ABLIM3: variants seen among roughly 807,000 people sequenced by gnomAD.
ABLIM3 encodes the protein actin-binding LIM protein 3.
In ABLIM3, 61 loss-of-function variants were observed where a neutral mutation model predicts 109.5. The ratio of observed to expected loss-of-function variants is 0.56; its 90% CI spans 0.45 to 0.69. ABLIM3 has a LOEUF of 0.69. Among genes scored for constraint, ABLIM3 ranks in the 30% least tolerant of loss-of-function variants. ABLIM3 has a pLI of 0.00. For synonymous variants in ABLIM3, 300 were observed against 324.8 expected (o/e 0.92, Z 0.82); for missense variants, 796 against 889.5 (o/e 0.89, Z 1.34).
At chr5:149,225,656 T>C (rs969982989) in intron 8 of ABLIM3, among the ~76,000 whole-genome samples, 1 of 152,176 alleles carries the variant, frequency 6.6e-6, no homozygotes, top group Non-Finnish European at 1.5e-5. Flanking sequence ...ACCCATCACC[T>C]GAGTGGTATA....
chr5:149,226,018 A>G (rs1351141686), intron 8 of ABLIM3, among the ~76,000 whole-genome samples: 2 of 95,712 alleles, frequency 2.1e-5, no homozygotes, highest in African/African-American at 8.4e-5. Flanking sequence ...ATATATATAT[A>G]TATATATATC....
intron 8 of ABLIM3, among the ~76,000 whole-genome samples, chr5:149,227,289 C>G (rs1372004897): frequency 1.3e-5 from 2 of 152,158 alleles, no homozygotes; most frequent in African/African-American, 4.8e-5. Context: ...ATCTCTATCT[C>G]TGAGTCAGCT....
chr5:149,229,245 C>A (rs1761606396), intron 8 of ABLIM3, among the ~76,000 whole-genome samples: 3 of 152,144 alleles, frequency 2.0e-5, no homozygotes, highest in Admixed American at 2.0e-4. Context: ...GCTCTGAGAA[C>A]CATTGCATTT....
At position 149,160,856 on chromosome 5, in the gene ABLIM3, G is replaced by A. The variant is rs62380143; in HGVS notation, c.13+18748G>A. Among the ~76,000 whole-genome samples, 1,009 of 152,312 alleles carry A rather than the reference G, an allele frequency of 6.6e-3. 5 individuals carry two copies. Among genetic ancestry groups the A allele is most frequent in the Non-Finnish European group, 0.011 (759 of 68,032 alleles). ...ACACAGGCTAACTGTCTAACATGGG[G>A]GAATTGTCCTCCATCTCCAGGGCCC... On this transcript the variant is annotated intron_variant, in intron 2 of 23. Transcript: ENST00000309868.
intron 2 of ABLIM3, among the ~76,000 whole-genome samples, chr5:149,160,499 TTGA>T (rs1177915015): frequency 6.6e-6 from 1 of 151,950 alleles, no homozygotes; most frequent in African/African-American, 2.4e-5. Flanking sequence ...TCAGTAAATA[TTGA>T]TGAATAAATA....
chr5:149,178,794 G>A (rs747917399), intron 2 of ABLIM3, among the ~76,000 whole-genome samples: 4 of 152,132 alleles, frequency 2.6e-5, no homozygotes, highest in Admixed American at 6.5e-5. Flanking sequence ...GAGTGTGGAG[G>A]GAGAGGAAAA....
intron 2 of ABLIM3, among the ~76,000 whole-genome samples, chr5:149,164,615 A>G (rs2127451839): frequency 6.6e-6 from 1 of 152,250 alleles, no homozygotes; most frequent in East Asian, 1.9e-4. Context: ...AAGGATTCTG[A>G]TGCATACTCG....
chr5:149,225,982 G>GTATGTA (rs1554092497), intron 8 of ABLIM3, among the ~76,000 whole-genome samples: 1 of 45,512 alleles, frequency 2.2e-5, no homozygotes, highest in African/African-American at 8.5e-5. Context: ...GTGTGTGTGT[G>GTATGTA]TATATATATA....
At chr5:149,242,722 A>G (rs781023310) in intron 15 of ABLIM3, 184 bp downstream of exon 15, 5 of 658,940 alleles carry the variant, frequency 7.6e-6, no homozygotes, top group Non-Finnish European at 1.4e-5. Context: ...TTTCAAAAGA[A>G]CAAAGTCCTC....
intron 2 of ABLIM3, among the ~76,000 whole-genome samples, chr5:149,182,483 G>T (rs1284877142): frequency 6.6e-6 from 1 of 152,214 alleles, no homozygotes; most frequent in Admixed American, 6.5e-5. Context: ...AATGAGATCA[G>T]ACCAGACAGC....
intron 3 of ABLIM3, among the ~76,000 whole-genome samples, chr5:149,188,630 G>C (rs1435085063): frequency 6.6e-6 from 1 of 152,202 alleles, no homozygotes; most frequent in Non-Finnish European, 1.5e-5. Context: ...GAGAGGGACA[G>C]CCAGCAAACT....
intron 2 of ABLIM3, among the ~76,000 whole-genome samples, chr5:149,153,257 C>G (rs1189529818): frequency 6.6e-6 from 1 of 152,220 alleles, no homozygotes; most frequent in Non-Finnish European, 1.5e-5. Context: ...GAACCTCTAT[C>G]TACCCAGTCA....
Position 149,200,099 on chromosome 5 carries a change from C to T in ABLIM3, c.336-217C>T, listed in dbSNP as rs1471516661. 2.0e-5 allele frequency among the ~76,000 whole-genome samples: 3 copies of T among 152,182 alleles called. No homozygotes were observed. The East Asian group carries it at 5.8e-4, about 29-fold the overall frequency. ...GGTCAGATAAGCATCATGATCTGCC[C>T]AAAATATACAAACAGCCTAACTGGG... On this transcript the variant is annotated intron_variant, in intron 4 of 23. Coordinates refer to ENST00000309868, the MANE Select transcript of ABLIM3 (RefSeq NM_014945.5).
chr5:149,181,555 T>C (rs899274367), intron 2 of ABLIM3, among the ~76,000 whole-genome samples: 1 of 152,336 alleles, frequency 6.6e-6, no homozygotes, highest in East Asian at 1.9e-4. Context: ...CCACCCCAGT[T>C]AGCAAAGTTG....
In ABLIM3 at chr5:149,198,268, G is replaced by A; in HGVS notation, c.201G>A (p.Glu67=). The A allele has an allele frequency of 6.2e-7, 1 of 1,614,170 alleles. No homozygotes were observed. Among genetic ancestry groups the A allele is most frequent in the Non-Finnish European group, 8.5e-7 (1 of 1,180,004 alleles). The change falls in exon 4 of 24, where the codon GAG becomes GAA. Residue 67 remains glutamate, a synonymous_variant. Transcript: ENST00000309868. This position sits in a 1 kb window ranked among gnomAD's most constrained non-coding sequence, Gnocchi z 4.2. ...CAGGCTTCTTCTTCAAGAACCAGGA[G>A]TACATCTGCACCCAGGACTACCAGC... ...AQSGFFFKNQ[E]YICTQDYQQL... is the part of the protein sequence containing the mutation.
intron 8 of ABLIM3, chr5:149,218,005 G>A (rs538809020): frequency 1.2e-4 from 19 of 152,428 alleles, no homozygotes; most frequent in African/African-American, 4.6e-4. Context: ...GGAGAGAAGT[G>A]TGGGCCTTTG....
chr5:149,205,947 G>A (rs1019833691), intron 5 of ABLIM3, among the ~76,000 whole-genome samples: 7 of 152,154 alleles, frequency 4.6e-5, no homozygotes, highest in African/African-American at 1.4e-4. Context: ...CTGGATGTGG[G>A]GGCTGTCCAG....
chr5:149,210,679 A>C (rs760605307), intron 6 of ABLIM3, 47 bp from the exon 7 acceptor site: 1 of 1,559,412 alleles, frequency 6.4e-7, no homozygotes, highest in Non-Finnish European at 8.8e-7. Flanking sequence ...GTGCACCCTC[A>C]CTGATCCTCC....
chr5:149,199,547 A>G (rs181923851), intron 4 of ABLIM3, among the ~76,000 whole-genome samples: 8 of 152,298 alleles, frequency 5.3e-5, no homozygotes, highest in South Asian at 2.1e-4. Flanking sequence ...AGATCACGCA[A>G]TGTCTTTCTA....
Sources: allele counts gnomAD v4.1 joint callset (sites outside exome capture counted in the v4.1 genomes callset), GRCh38; gene constraint gnomAD v4.1.1; non-coding constraint Gnocchi (gnomAD v3.1); transcripts MANE v1.5; gene names NCBI Gene and HGNC (gene_info 2026-07-23, HGNC 2026-07-21).